MTHFD1L: variants seen among roughly 807,000 people sequenced by gnomAD.
MTHFD1L encodes monofunctional C1-tetrahydrofolate synthase, mitochondrial.
Under a neutral mutation model 119.5 loss-of-function variants are expected in MTHFD1L, and 81 were observed. The observed-to-expected ratio is 0.68, with a 90% CI of 0.57 to 0.82. The LOEUF is 0.82. Ranked by LOEUF, MTHFD1L falls within the 40% of genes least tolerant of loss-of-function variation. MTHFD1L has a pLI of 0.00. For missense variants in MTHFD1L, 1,125 were observed against 1,253.4 expected, an observed-to-expected ratio of 0.90 and a Z score of 1.55; for synonymous variants, 430 against 475.2, an observed-to-expected ratio of 0.90 and a Z score of 1.24.
At chr6:151,047,967 C>T (rs1489256599) in intron 26 of MTHFD1L, among the ~76,000 whole-genome samples, 1 of 152,120 alleles carries the variant, frequency 6.6e-6, no homozygotes, top group African/African-American at 2.4e-5. Context: ...AGCACATCTT[C>T]ACATGGCGGC....
At chr6:151,072,726 T>C (rs1376472811) in intron 26 of MTHFD1L, among the ~76,000 whole-genome samples, 1 of 152,068 alleles carries the variant, frequency 6.6e-6, no homozygotes, top group East Asian at 1.9e-4. Context: ...GGGACAGAGG[T>C]TGCAGTGAAC....
chr6:151,086,040 G>A (rs73622466), intron 26 of MTHFD1L, among the ~76,000 whole-genome samples: 5,164 of 152,128 alleles, frequency 0.034, 283 homozygotes, highest in African/African-American at 0.12. Flanking sequence ...ACAGTAACAG[G>A]CACTCAAGAG....
chr6:150,936,358 G>A (rs1176804236), intron 11 of MTHFD1L, among the ~76,000 whole-genome samples: 1 of 152,154 alleles, frequency 6.6e-6, no homozygotes, highest in African/African-American at 2.4e-5. Context: ...CTAATCCTGA[G>A]AGTCTGGCAG....
chr6:150,874,259 A>G (rs1243234228), intron 1 of MTHFD1L, among the ~76,000 whole-genome samples: 1 of 152,216 alleles, frequency 6.6e-6, no homozygotes, highest in Non-Finnish European at 1.5e-5. Flanking sequence ...GCTTTATCCC[A>G]AGTGTTTCCA....
intron 26 of MTHFD1L, among the ~76,000 whole-genome samples, chr6:151,086,036 A>G (rs538472912): frequency 6.6e-6 from 1 of 152,246 alleles, no homozygotes; most frequent in South Asian, 2.1e-4. Flanking sequence ...TGGTACAGTA[A>G]CAGGCACTCA....
At chr6:150,959,963 G>A (rs1796192716) in intron 17 of MTHFD1L, among the ~76,000 whole-genome samples, 1 of 152,200 alleles carries the variant, frequency 6.6e-6, no homozygotes, top group Non-Finnish European at 1.5e-5. Context: ...AATTAAGTCT[G>A]AGACATGCTA....
chr6:151,039,838 C>T lies in MTHFD1L; in HGVS notation c.2847+2721C>T, dbSNP rs1294341519. 3.9e-5 allele frequency among the ~76,000 whole-genome samples: 6 copies of T among 152,126 alleles called. No individual in the cohort carries two copies. The highest frequency in any genetic ancestry group is 8.8e-5 in the Non-Finnish European group (6 of 68,032). On this transcript the variant is annotated intron_variant, in intron 26 of 27. Coordinates refer to ENST00000367321, the MANE Select transcript of MTHFD1L (RefSeq NM_015440.5). This position sits in a 1 kb window ranked among gnomAD's most constrained non-coding sequence, Gnocchi z 4.4. ...GCTGAGGCAGGAGAATCGCTTGAAC[C>T]CGGGAGGCAGAAGTTGCAGTAAGCC...
chr6:151,052,858 C>G (rs1255641507), intron 26 of MTHFD1L, among the ~76,000 whole-genome samples: 1 of 152,158 alleles, frequency 6.6e-6, no homozygotes, highest in Non-Finnish European at 1.5e-5. Context: ...GAGCCCAGCC[C>G]CAGGATGGAT....
chr6:150,971,891 G>A, intron 19 of MTHFD1L, 56 bp from the exon 20 acceptor site: 1 of 1,503,214 alleles, frequency 6.7e-7, no homozygotes, highest in Non-Finnish European at 9.2e-7. Context: ...ATTGATCTTG[G>A]TTTCCATGCT....
intron 7 of MTHFD1L, among the ~76,000 whole-genome samples, chr6:150,898,546 A>T (rs889686699): frequency 1.1e-4 from 16 of 152,234 alleles, no homozygotes; most frequent in Admixed American, 7.9e-4. Flanking sequence ...GGCAGTTTGC[A>T]TGAATATGAA....
chr6:150,868,275 T>TG (rs1340742030), intron 1 of MTHFD1L, among the ~76,000 whole-genome samples: 2 of 151,788 alleles, frequency 1.3e-5, no homozygotes, highest in Non-Finnish European at 2.9e-5. Context: ...AGAGGACACA[T>TG]GCAAAATACA....
chr6:150,907,315 C>T (rs531842364), intron 8 of MTHFD1L, among the ~76,000 whole-genome samples: 1 of 151,776 alleles, frequency 6.6e-6, no homozygotes, highest in Non-Finnish European at 1.5e-5. Flanking sequence ...CTTTTAGGAC[C>T]CTTATTTTTG....
intron 16 of MTHFD1L, among the ~76,000 whole-genome samples, chr6:150,952,787 C>T (rs189065616): frequency 2.4e-4 from 36 of 152,254 alleles, no homozygotes; most frequent in African/African-American, 7.5e-4. Context: ...CTTGGCCTCC[C>T]GAAGTGCTGC....
chr6:151,089,337 C>A (rs908966585), intron 26 of MTHFD1L, among the ~76,000 whole-genome samples: 1 of 152,242 alleles, frequency 6.6e-6, no homozygotes, highest in Admixed American at 6.5e-5. Flanking sequence ...TGCAGTGGCT[C>A]ACGCCTGTAA....
chr6:151,012,699 T>C (rs9383858), intron 21 of MTHFD1L, among the ~76,000 whole-genome samples: 54,470 of 152,030 alleles, frequency 0.36, 10,247 homozygotes, highest in East Asian at 0.58. Flanking sequence ...TCTTCACACA[T>C]AGAACCAATA....
chr6:151,065,157 C>T (rs1791100175), intron 26 of MTHFD1L, among the ~76,000 whole-genome samples: 1 of 152,096 alleles, frequency 6.6e-6, no homozygotes, highest in Non-Finnish European at 1.5e-5. Context: ...CTGGTGATGG[C>T]GTTTAATTTA....
intron 19 of MTHFD1L, among the ~76,000 whole-genome samples, chr6:150,967,784 G>A (rs1158044974): frequency 1.3e-5 from 2 of 152,064 alleles, no homozygotes; most frequent in Non-Finnish European, 2.9e-5. Context: ...ACCTGCACGA[G>A]TGCAGCAGCC....
At chr6:151,030,437 C>T (rs1003229849) in intron 24 of MTHFD1L, among the ~76,000 whole-genome samples, 1 of 152,244 alleles carries the variant, frequency 6.6e-6, no homozygotes, top group African/African-American at 2.4e-5. Flanking sequence ...GGTCCTTGGA[C>T]TTGCCCTGCG....
intron 26 of MTHFD1L, among the ~76,000 whole-genome samples, chr6:151,050,637 C>T (rs746455395): frequency 5.3e-5 from 8 of 152,050 alleles, no homozygotes; most frequent in Non-Finnish European, 1.0e-4. Flanking sequence ...GGGGGGCACT[C>T]GGCCCTGTGG....
Sources: allele counts gnomAD v4.1 joint callset (sites outside exome capture counted in the v4.1 genomes callset), GRCh38; gene constraint gnomAD v4.1.1; non-coding constraint Gnocchi (gnomAD v3.1); transcripts MANE v1.5; gene names NCBI Gene and HGNC (gene_info 2026-07-23, HGNC 2026-07-21).